Variants in ITGB5 observed in about 807,000 individuals in gnomAD.
ITGB5 encodes integrin subunit beta 5.
ITGB5 carries 38 observed loss-of-function variants against 84.8 expected under a neutral mutation model. The ratio of observed to expected loss-of-function variants is 0.45; its 90% CI spans 0.35 to 0.59. The LOEUF (loss-of-function observed/expected upper bound fraction) is 0.59. Among genes scored for constraint, ITGB5 ranks in the 20% least tolerant of loss-of-function variants. The probability of loss-of-function intolerance (pLI) is 0.01; values close to 1 mark genes in which losing one functional copy is unlikely to be tolerated. For missense variants in ITGB5, 905 were observed against 1,034.5 expected (o/e 0.87, Z 1.72); for synonymous variants, 393 against 414.4 (o/e 0.95, Z 0.63).
At chr3:124,861,125 T>C (rs1040445363) in intron 2 of ITGB5, among the ~76,000 whole-genome samples, 1 of 151,936 alleles carries the variant, frequency 6.6e-6, no homozygotes, top group African/African-American at 2.4e-5. Context: ...TGCAGTGTTT[T>C]TAAATAAGTA....
chr3:124,829,141 G>T (rs1009459744), intron 5 of ITGB5, among the ~76,000 whole-genome samples: 1 of 152,028 alleles, frequency 6.6e-6, no homozygotes. Context: ...TATATTAATA[G>T]AATTATGGGT....
At chr3:124,862,639 G>A (rs1294002276) in intron 2 of ITGB5, 1 of 152,260 alleles carries the variant, frequency 6.6e-6, no homozygotes. Context: ...AACCCTAGTA[G>A]TGTCGCTGGC....
At chr3:124,806,927 A>C (rs997833767) in intron 9 of ITGB5, among the ~76,000 whole-genome samples, 1 of 152,160 alleles carries the variant, frequency 6.6e-6, no homozygotes, top group South Asian at 2.1e-4. Context: ...TAATGAGATG[A>C]GGCTTTCCCC....
intron 5 of ITGB5, among the ~76,000 whole-genome samples, chr3:124,839,300 C>G (rs1044149562): frequency 2.6e-5 from 4 of 152,190 alleles, no homozygotes. Context: ...CTGAGAAAAT[C>G]TGCTAGCATC....
rs920445 is a variant in ITGB5, at chr3:124,788,218, A to T, written c.1693+8170T>A. 4.4e-3 allele frequency among the ~76,000 whole-genome samples: 664 copies of T among 152,258 alleles called. 9 individuals carry two copies. The highest frequency in any genetic ancestry group is 0.015 in the African/African-American group (630 of 41,546). On this transcript the variant is annotated intron_variant, in intron 10 of 14. Coordinates refer to ENST00000296181, the MANE Select transcript of ITGB5 (RefSeq NM_002213.5). ...GCACCCAGCCCCGGGGGAGAAAAAT[A>T]TACTCAGTGCCCCTGGTGGTAGGGC... is the stretch of plus-strand genomic sequence containing the variant.
At chr3:124,838,491 T>C (rs1214790631) in intron 5 of ITGB5, among the ~76,000 whole-genome samples, 1 of 152,226 alleles carries the variant, frequency 6.6e-6, no homozygotes, top group Non-Finnish European at 1.5e-5. Flanking sequence ...ACATAAAACA[T>C]TGGGTTGTAT....
At chr3:124,767,388 T>C (rs2063782318) in intron 12 of ITGB5, among the ~76,000 whole-genome samples, 1 of 152,070 alleles carries the variant, frequency 6.6e-6, no homozygotes, top group Non-Finnish European at 1.5e-5. Context: ...AGTGTGTGTA[T>C]GAAAAAAGCT....
Position 124,812,418 on chromosome 3 carries a change from T to C in ITGB5, c.1129-3262A>G, listed in dbSNP as rs550362487. Among the ~76,000 whole-genome samples the C allele has an allele frequency of 8.5e-5, 13 of 152,314 alleles. No individual in the cohort carries two copies. The South Asian group carries it at 2.5e-3, about 29-fold the overall frequency. On this transcript the variant is annotated intron_variant, in intron 8 of 14. Transcript: ENST00000296181. ...GTGGAGTGGGTGGGAGCAGACTTTA[T>C]GGCAACAACAAAAAGAGAAACATGT...
chr3:124,821,004 C>A (rs760910687), intron 6 of ITGB5, among the ~76,000 whole-genome samples: 6 of 152,162 alleles, frequency 3.9e-5, no homozygotes, highest in Admixed American at 6.5e-5. Context: ...AAGACACCCT[C>A]CCCACTATGA....
chr3:124,778,162 T>C (rs2063951576), intron 10 of ITGB5, among the ~76,000 whole-genome samples: 1 of 152,206 alleles, frequency 6.6e-6, no homozygotes, highest in African/African-American at 2.4e-5. Context: ...TCATTACACA[T>C]AGATAGGGAT....
intron 10 of ITGB5, among the ~76,000 whole-genome samples, chr3:124,793,534 G>A (rs777448322): frequency 2.6e-5 from 4 of 152,236 alleles, no homozygotes; most frequent in Non-Finnish European, 5.9e-5. Flanking sequence ...CCCCAGAGGG[G>A]TGTGGCACTG....
intron 11 of ITGB5, among the ~76,000 whole-genome samples, chr3:124,770,855 T>G (rs997769766): frequency 6.6e-6 from 1 of 151,846 alleles, no homozygotes; most frequent in Non-Finnish European, 1.5e-5. Flanking sequence ...GAAGGGGTGG[T>G]TCCAGCTTCA....
intron 8 of ITGB5, among the ~76,000 whole-genome samples, chr3:124,811,063 G>A (rs1029219915): frequency 1.3e-5 from 2 of 152,130 alleles, no homozygotes; most frequent in Admixed American, 1.3e-4. Context: ...AATTATCTAA[G>A]TGCTTCTACA....
intron 8 of ITGB5, chr3:124,809,424 C>T (rs541199149): frequency 2.4e-5 from 10 of 410,670 alleles, no homozygotes; most frequent in African/African-American, 1.8e-4. Context: ...ATATTATCTG[C>T]TTCAAACGGG....
intron 3 of ITGB5, among the ~76,000 whole-genome samples, chr3:124,851,969 T>C (rs1321069749): frequency 6.6e-6 from 1 of 152,170 alleles, no homozygotes; most frequent in Non-Finnish European, 1.5e-5. Context: ...CATTAATGCA[T>C]GTGAAGTGCA....
At chr3:124,882,922 T>G (rs1368155332) in intron 1 of ITGB5, among the ~76,000 whole-genome samples, 2 of 152,202 alleles carry the variant, frequency 1.3e-5, no homozygotes, top group Non-Finnish European at 2.9e-5. Flanking sequence ...AAGTAAACCC[T>G]GCATTCAACG....
chr3:124,865,474 CTTTTTTCTTTT>C (rs1481037475), intron 2 of ITGB5, among the ~76,000 whole-genome samples: 132 of 57,902 alleles, frequency 2.3e-3, no homozygotes, highest in African/African-American at 9.0e-3. Flanking sequence ...TCCTTTGCGG[CTTTTTTCTTTT>C]TTTTTTTTTT....
intron 2 of ITGB5, among the ~76,000 whole-genome samples, chr3:124,871,140 C>G (rs1307099668): frequency 6.6e-6 from 1 of 152,088 alleles, no homozygotes; most frequent in Non-Finnish European, 1.5e-5. Context: ...ATCCACTCAC[C>G]TCAGCTTCCC....
chr3:124,878,852 G>T (rs570349279), intron 1 of ITGB5: 1 of 152,318 alleles, frequency 6.6e-6, no homozygotes, highest in African/African-American at 2.4e-5. Context: ...GTTCACAAAT[G>T]TCAGTGTTAG....
Sources: gnomAD v4.1 joint callset for allele counts (sites outside exome capture counted in the v4.1 genomes callset) on GRCh38, gnomAD v4.1.1 for gene constraint, MANE v1.5 for transcripts, NCBI Gene and HGNC (gene_info 2026-07-23, HGNC 2026-07-21) for gene names.